The following UBE2R2 variants were observed in gnomAD, a reference collection of about 807,000 sequenced individuals.
The protein encoded by UBE2R2 is ubiquitin conjugating enzyme E2 R2.
A neutral mutation model predicts 27.8 loss-of-function variants in UBE2R2; 1 was observed. The observed-to-expected ratio is 0.04, with a 90% CI of 0.01 to 0.17. UBE2R2 has a LOEUF of 0.17. UBE2R2 is among the 10% of genes least tolerant of loss of function. The pLI is 1.00. For synonymous variants in UBE2R2, 106 were observed against 113.3 expected, an observed-to-expected ratio of 0.94 and a Z score of 0.41; for missense variants, 100 against 291.0, an observed-to-expected ratio of 0.34 and a Z score of 4.78.
chr9:33,884,369 C>T (rs1281842932), intron 1 of UBE2R2, among the ~76,000 whole-genome samples: 1 of 150,670 alleles, frequency 6.6e-6, no homozygotes, highest in African/African-American at 2.4e-5. Context: ...ACTGCAGCCC[C>T]ACCTCCTGGG....
Position 33,826,687 on chromosome 9 carries a change from A to G in UBE2R2, c.177+8753A>G, listed in dbSNP as rs1256108290. Among the ~76,000 whole-genome samples, 15 of 152,158 alleles carry G rather than the reference A, an allele frequency of 9.9e-5. No homozygotes were observed. In the East Asian group the frequency reaches 2.7e-3, roughly 27 times the overall value. On this transcript the variant is annotated intron_variant, in intron 1 of 4. Coordinates refer to ENST00000263228, the MANE Select transcript of UBE2R2 (RefSeq NM_017811.4). ...GCACTCCAGTCTGGGCAACAGAGTGAGACTCTGTCCCCTGCCGCCCCCTCC... is the reference window on the plus strand; with the variant it reads ...GCACTCCAGTCTGGGCAACAGAGTGGGACTCTGTCCCCTGCCGCCCCCTCC...
At chr9:33,874,302 A>G (rs528020390) in intron 1 of UBE2R2, among the ~76,000 whole-genome samples, 17 of 152,130 alleles carry the variant, frequency 1.1e-4, no homozygotes, top group Admixed American at 3.3e-4. Context: ...CCAGATGTCA[A>G]TTTTCAGTGC....
intron 1 of UBE2R2, among the ~76,000 whole-genome samples, chr9:33,850,352 G>A (rs905091687): frequency 2.0e-5 from 3 of 152,156 alleles, no homozygotes; most frequent in Non-Finnish European, 4.4e-5. Flanking sequence ...TAAAGTGGCA[G>A]CAACTGCAAA....
chr9:33,867,280 C>G (rs1347272916), intron 1 of UBE2R2, among the ~76,000 whole-genome samples: 1 of 152,142 alleles, frequency 6.6e-6, no homozygotes, highest in East Asian at 1.9e-4. Context: ...AGTTGTAGAT[C>G]ATTTGTTCTC....
chr9:33,823,205 CTAT>C (rs931296235), intron 1 of UBE2R2, among the ~76,000 whole-genome samples: 3 of 150,978 alleles, frequency 2.0e-5, no homozygotes, highest in Non-Finnish European at 4.4e-5. Flanking sequence ...TGTGCCCAGC[CTAT>C]TATTATTATT....
At chr9:33,849,915 G>A (rs1820928095) in intron 1 of UBE2R2, among the ~76,000 whole-genome samples, 1 of 152,070 alleles carries the variant, frequency 6.6e-6, no homozygotes, top group Non-Finnish European at 1.5e-5. Context: ...AATTCTATAT[G>A]TATAGGAAAC....
intron 1 of UBE2R2, among the ~76,000 whole-genome samples, chr9:33,854,418 C>T (rs1474077729): frequency 6.6e-6 from 1 of 151,940 alleles, no homozygotes; most frequent in African/African-American, 2.4e-5. Context: ...CTCCTGGATT[C>T]AAGCGATTCT....
chr9:33,844,801 C>G (rs1439998944), intron 1 of UBE2R2, among the ~76,000 whole-genome samples: 2 of 151,648 alleles, frequency 1.3e-5, no homozygotes, highest in Non-Finnish European at 2.9e-5. Context: ...CAGTCTTGCT[C>G]TGTGGCCCAG....
intron 1 of UBE2R2, among the ~76,000 whole-genome samples, chr9:33,838,901 G>A (rs1432371373): frequency 6.6e-6 from 1 of 151,922 alleles, no homozygotes; most frequent in East Asian, 1.9e-4. Flanking sequence ...GGCCAACATG[G>A]AGAAACCTGG....
intron 1 of UBE2R2, among the ~76,000 whole-genome samples, chr9:33,845,871 G>A (rs963135838): frequency 3.3e-5 from 5 of 151,546 alleles, no homozygotes; most frequent in East Asian, 3.9e-4. Context: ...GGCTGGGCGC[G>A]GTGGCTCACG....
intron 1 of UBE2R2, among the ~76,000 whole-genome samples, chr9:33,844,157 GTTT>G (rs1432954959): frequency 1.3e-5 from 2 of 152,164 alleles, no homozygotes; most frequent in Non-Finnish European, 2.9e-5. Flanking sequence ...ATTTTCATAA[GTTT>G]TATTAATTTG....
intron 1 of UBE2R2, among the ~76,000 whole-genome samples, chr9:33,866,912 C>T (rs1256764967): frequency 6.6e-6 from 1 of 152,068 alleles, no homozygotes; most frequent in African/African-American, 2.4e-5. Context: ...CTGTGGCTTG[C>T]TTGTTCCCTG....
At chr9:33,905,527 G>C (rs7847217) in intron 3 of UBE2R2, among the ~76,000 whole-genome samples, 61,786 of 152,054 alleles carry the variant, frequency 0.41, 12,915 homozygotes, top group African/African-American at 0.48. Context: ...AAAAACTGTA[G>C]TTGTATTCCT....
At position 33,919,467 on chromosome 9, in the gene UBE2R2, C is replaced by G. The variant is rs1438943001; in HGVS notation, c.*2230C>G. The G allele has an allele frequency of 1.3e-5, 2 of 152,220 alleles. No individual in the cohort carries two copies. Among genetic ancestry groups the G allele is most frequent in the Non-Finnish European group, 2.9e-5 (2 of 68,074 alleles). The allele number at this position is 152,220 out of a possible 1,614,324, so 9.4% of individuals were successfully genotyped here. ...CTGCTGCACAGCTGTTCCATCAGGC[C>G]CTATTGGCCTCTGTTAGACATTGAC... is the stretch of plus-strand genomic sequence containing the variant. On this transcript the variant is annotated 3_prime_UTR_variant, in exon 5 of 5. Transcript: ENST00000263228.
intron 1 of UBE2R2, among the ~76,000 whole-genome samples, chr9:33,832,761 CTT>C (rs1362477744): frequency 6.6e-6 from 1 of 151,138 alleles, no homozygotes; most frequent in Non-Finnish European, 1.5e-5. Flanking sequence ...AGAATCAAAA[CTT>C]TAATTAAATT....
At chr9:33,853,118 A>G (rs1188179926) in intron 1 of UBE2R2, among the ~76,000 whole-genome samples, 1 of 152,138 alleles carries the variant, frequency 6.6e-6, no homozygotes, top group Non-Finnish European at 1.5e-5. Context: ...TGATTTGTGT[A>G]GGAACTATTT....
At chr9:33,838,615 G>A (rs1820666365) in intron 1 of UBE2R2, among the ~76,000 whole-genome samples, 2 of 152,082 alleles carry the variant, frequency 1.3e-5, no homozygotes, top group African/African-American at 4.8e-5. Flanking sequence ...GCTGAGACAG[G>A]TGGATTATGG....
At chr9:33,916,298 G>A (rs1221791000) in intron 4 of UBE2R2, among the ~76,000 whole-genome samples, 3 of 152,152 alleles carry the variant, frequency 2.0e-5, no homozygotes, top group Non-Finnish European at 1.5e-5. Flanking sequence ...CCGAGATCAC[G>A]CCGCTGCACT....
Position 33,917,386 on chromosome 9 carries a change from TCA to T in UBE2R2, c.*150_*151del, listed in dbSNP as rs1231078053. 1.2e-5 allele frequency: 15 copies of T among 1,210,040 alleles called. No homozygotes were observed. Among genetic ancestry groups the T allele is most frequent in the East Asian group, 7.3e-5 (3 of 41,270 alleles). The allele number at this position is 1,210,040 out of a possible 1,614,324, so 75.0% of individuals were successfully genotyped here. On this transcript the variant is annotated 3_prime_UTR_variant, in exon 5 of 5. Coordinates refer to ENST00000263228, the MANE Select transcript of UBE2R2 (RefSeq NM_017811.4). ...CTCCTGCTGACTCCCCTTATGGATC[TCA>T]GTTTGCTCCTTTTTATGGACCTTTA...
Sources: gnomAD v4.1 joint callset for allele counts (sites outside exome capture counted in the v4.1 genomes callset) on GRCh38, gnomAD v4.1.1 for gene constraint, MANE v1.5 for transcripts, NCBI Gene and HGNC (gene_info 2026-07-23, HGNC 2026-07-21) for gene names.